CYTH4: variants seen among roughly 807,000 people sequenced by gnomAD.
CYTH4 encodes cytohesin 4.
A neutral mutation model predicts 57.5 loss-of-function variants in CYTH4; 22 were observed. The observed-to-expected ratio is 0.38, with a 90% CI of 0.27 to 0.55. The LOEUF (loss-of-function observed/expected upper bound fraction) is 0.55. CYTH4 is among the 20% of genes least tolerant of loss of function. The pLI, the probability that CYTH4 is intolerant of heterozygous loss-of-function variation, is 0.74. For missense variants in CYTH4, 420 were observed against 535.6 expected, an observed-to-expected ratio of 0.78 and a Z score of 2.13; for synonymous variants, 186 against 206.5, an observed-to-expected ratio of 0.90 and a Z score of 0.85.
In CYTH4 at chr22:37,309,174, C is replaced by T. The variant is rs201411625; in HGVS notation, c.697-38C>T. 28 of 1,602,490 alleles carry T rather than the reference C, an allele frequency of 1.7e-5. No individual in the cohort carries two copies. The African/African-American group carries it at 3.6e-4, about 21-fold the overall frequency. On this transcript the variant is annotated intron_variant, in intron 8 of 12. Coordinates refer to ENST00000248901, the MANE Select transcript of CYTH4 (RefSeq NM_013385.5). ...GGCCTAGGCCTTGGACTCGGGTGGA[C>T]TCACAGCCAGGTCTTTCTCTCCCTT...
intron 12 of CYTH4, among the ~76,000 whole-genome samples, chr22:37,312,616 G>A (rs1038536010): frequency 1.3e-5 from 2 of 152,242 alleles, no homozygotes; most frequent in African/African-American, 4.8e-5. Context: ...CGGAGTCCGA[G>A]TGAGGCTAAG....
In CYTH4 at chr22:37,301,018, A is replaced by G. The variant is rs1223213042; in HGVS notation, c.546A>G (p.Thr182=). The change falls in exon 7 of 13, where the codon ACA becomes ACG. Residue 182 remains threonine, a splice_region_variant and synonymous_variant. Transcript: ENST00000248901. ...GCAACCCAGGCGTCTTCCAGTCCAC[A>G]GGTGCCAGGAGGGGAGTGGGACCCA... The part of the protein sequence containing the change: ...CLCNPGVFQS[T]DTCYVLSFSI... 6.2e-7 allele frequency: 1 copy of G among 1,613,142 alleles called. No homozygotes were observed. Among genetic ancestry groups the G allele is most frequent in the Admixed American group, 1.7e-5 (1 of 59,958 alleles).
intron 7 of CYTH4, among the ~76,000 whole-genome samples, chr22:37,301,400 G>A (rs1052735481): frequency 2.0e-5 from 3 of 152,098 alleles, no homozygotes; most frequent in Non-Finnish European, 4.4e-5. Flanking sequence ...GGCCTTTTTG[G>A]CAGGAGTTTC....
At chr22:37,296,920 C>T (rs1928991499) in intron 4 of CYTH4, among the ~76,000 whole-genome samples, 1 of 152,238 alleles carries the variant, frequency 6.6e-6, no homozygotes, top group African/African-American at 2.4e-5. Flanking sequence ...ACCAACCCCT[C>T]CAACTCCTAA....
chr22:37,300,076 G>A (rs1218804878), intron 6 of CYTH4: 1 of 717,422 alleles, frequency 1.4e-6, no homozygotes, highest in East Asian at 2.7e-5. Flanking sequence ...ACAGGGTTGT[G>A]AAGACTAAAT....
Position 37,311,471 on chromosome 22 carries a change from G to A in CYTH4, c.901G>A (p.Gly301Arg). The A allele has an allele frequency of 6.2e-7, 1 of 1,614,072 alleles. No homozygotes were observed. The highest frequency in any genetic ancestry group is 8.5e-7 in the Non-Finnish European group (1 of 1,179,996). Residue 301 changes from glycine to arginine, a missense_variant, in exon 11 of 13, where the codon GGA (glycine) becomes AGA (arginine). Physicochemically the swap from Gly to Arg is moderately radical, Grantham distance 125. Coordinates refer to ENST00000248901, the MANE Select transcript of CYTH4 (RefSeq NM_013385.5). The surrounding 1 kb of genome is among the most constrained non-coding windows in gnomAD (Gnocchi z 4.4). ...TTCCCTGTAGGACAAGGAGCCACGG[G>A]GAATTATACCTCTTGAGAACCTCTC... ...FEFTTDKEPR[G>R]IIPLENLSVQ...
chr22:37,306,451 G>C (rs554487271), intron 8 of CYTH4, among the ~76,000 whole-genome samples: 2 of 152,368 alleles, frequency 1.3e-5, no homozygotes, highest in African/African-American at 4.8e-5. Context: ...TGAGCTCCAT[G>C]AGAGGTAGCT....
chr22:37,295,925 C>T lies in CYTH4; in HGVS notation c.168-74C>T. On this transcript the variant is annotated intron_variant, in intron 3 of 12. Transcript: ENST00000248901. The surrounding 1 kb of genome is among the most constrained non-coding windows in gnomAD (Gnocchi z 4.1). The stretch of plus-strand genomic sequence containing the variant: ...AGAGGGGTATGGGCTCCTGCTGAGG[C>T]AAGGGTCCTTGGGGAGTGGAGAGGG... 1 of 1,508,576 alleles carries T rather than the reference C, an allele frequency of 6.6e-7. No individual in the cohort carries two copies. Among genetic ancestry groups the T allele is most frequent in the Non-Finnish European group, 9.1e-7 (1 of 1,102,856 alleles). 93.4% of individuals were successfully genotyped at this position (1,508,576 alleles called of 1,614,324 possible). A position where few individuals can be genotyped will look rare whatever the true frequency, so the allele number is the denominator to read the frequency against.
At position 37,300,486 on chromosome 22, in the gene CYTH4, G is replaced by A. The variant is rs948776557; in HGVS notation, c.435-421G>A. Reference sequence around the variant, plus strand: ...CTTCCAGAGCTAGAGGGAAGTCGAGGTTCCAAGAAAGGGAGCCCTAGCAAG... The same window carrying A: ...CTTCCAGAGCTAGAGGGAAGTCGAGATTCCAAGAAAGGGAGCCCTAGCAAG... On this transcript the variant is annotated intron_variant, in intron 6 of 12. Transcript: ENST00000248901. 2.0e-5 allele frequency among the ~76,000 whole-genome samples: 3 copies of A among 152,150 alleles called. No homozygotes were observed. The East Asian group carries it at 5.8e-4, about 29-fold the overall frequency.
chr22:37,301,566 C>T (rs1929183516), intron 7 of CYTH4, among the ~76,000 whole-genome samples: 2 of 150,654 alleles, frequency 1.3e-5, no homozygotes, highest in South Asian at 2.1e-4. Context: ...ACAGGGTGGG[C>T]GAGGGACCAT....
rs1168820962 is a variant in CYTH4 at position 37,314,687 on chromosome 22, A to T, written c.*1176A>T. ...CGGGCAGCCAGCTCTGTCTCCAGGG[A>T]GGCCTGGCCTGGAGGAGGAGTCCAC... On this transcript the variant is annotated 3_prime_UTR_variant, in exon 13 of 13. Transcript: ENST00000248901. 1 of 353,928 alleles carries T rather than the reference A, an allele frequency of 2.8e-6. No individual in the cohort carries two copies. The highest frequency in any genetic ancestry group is 5.0e-6 in the Non-Finnish European group (1 of 198,304). The allele number at this position is 353,928 out of a possible 1,614,324, so 21.9% of individuals were successfully genotyped here.
chr22:37,306,520 G>A (rs753763159), intron 8 of CYTH4, among the ~76,000 whole-genome samples: 3 of 152,246 alleles, frequency 2.0e-5, no homozygotes, highest in Non-Finnish European at 2.9e-5. Flanking sequence ...TGACTTCAGC[G>A]CCTATCCCTC....
intron 5 of CYTH4, 78 bp from the exon 6 acceptor site, chr22:37,299,148 C>T (rs544212554): frequency 1.9e-6 from 2 of 1,063,090 alleles, no homozygotes; most frequent in Non-Finnish European, 2.9e-6. Context: ...CTCCCTCCCC[C>T]ACCTCAACCC....
At chr22:37,300,074 G>A in intron 6 of CYTH4, 1 of 717,540 alleles carries the variant, frequency 1.4e-6, no homozygotes, top group South Asian at 1.5e-5. Context: ...TCACAGGGTT[G>A]TGAAGACTAA....
chr22:37,314,338 T>G lies in CYTH4; in HGVS notation c.*827T>G. On this transcript the variant is annotated 3_prime_UTR_variant, in exon 13 of 13. Transcript: ENST00000248901. ...GACTCCACCTTCCAGGATGTCCATT[T>G]CGGGGAGAGGAGCAGGTGGGACCCT... 2.5e-6 allele frequency: 1 copy of G among 398,706 alleles called. No individual in the cohort carries two copies. 24.7% of individuals were successfully genotyped at this position (398,706 alleles called of 1,614,324 possible). A position where few individuals can be genotyped will look rare whatever the true frequency, so the allele number is the denominator to read the frequency against.
At chr22:37,302,850 T>C (rs1329562320) in intron 7 of CYTH4, among the ~76,000 whole-genome samples, 1 of 151,962 alleles carries the variant, frequency 6.6e-6, no homozygotes, top group East Asian at 1.9e-4. Flanking sequence ...CCCTGAACAG[T>C]GCCGCTAACA....
chr22:37,295,929 G>C lies in CYTH4; in HGVS notation c.168-70G>C. Reference sequence around the variant, plus strand: ...GGGTATGGGCTCCTGCTGAGGCAAGGGTCCTTGGGGAGTGGAGAGGGTAAT... The same window carrying C: ...GGGTATGGGCTCCTGCTGAGGCAAGCGTCCTTGGGGAGTGGAGAGGGTAAT... On this transcript the variant is annotated intron_variant, in intron 3 of 12. Transcript: ENST00000248901. The surrounding 1 kb of genome is among the most constrained non-coding windows in gnomAD (Gnocchi z 4.1). The C allele has an allele frequency of 6.6e-7, 1 of 1,522,192 alleles. No homozygotes were observed. The highest frequency in any genetic ancestry group is 9.0e-7 in the Non-Finnish European group (1 of 1,113,842). 94.3% of individuals were successfully genotyped at this position (1,522,192 alleles called of 1,614,324 possible).
intron 1 of CYTH4, among the ~76,000 whole-genome samples, chr22:37,284,265 A>T (rs992343890): frequency 3.3e-5 from 5 of 152,158 alleles, no homozygotes; most frequent in African/African-American, 9.7e-5. Context: ...CCAGTGTGCT[A>T]TGCAGTGCTG....
intron 1 of CYTH4, among the ~76,000 whole-genome samples, chr22:37,286,001 T>C (rs1306575157): frequency 6.6e-6 from 1 of 152,100 alleles, no homozygotes; most frequent in Admixed American, 6.5e-5. Context: ...AGGAGCTGTA[T>C]GCAGTAAAAA....
Sources: gnomAD v4.1 joint callset for allele counts (sites outside exome capture counted in the v4.1 genomes callset) on GRCh38, gnomAD v4.1.1 for gene constraint, Gnocchi (gnomAD v3.1) non-coding constraint, MANE v1.5 for transcripts, NCBI Gene and HGNC (gene_info 2026-07-23, HGNC 2026-07-21) for gene names.